The following KATNIP variants were observed in gnomAD, a reference collection of about 807,000 sequenced individuals.
The protein encoded by KATNIP is katanin interacting protein.
Under a neutral mutation model 174.0 loss-of-function variants are expected in KATNIP, and 126 were observed. That is an observed-to-expected ratio of 0.72 (90% CI 0.63 to 0.84). KATNIP has a LOEUF of 0.84. Among genes scored for constraint, KATNIP ranks in the 40% least tolerant of loss-of-function variants. KATNIP has a pLI of 0.00. For synonymous variants in KATNIP, 810 were observed against 835.7 expected (o/e 0.97, Z 0.53); for missense variants, 1,958 against 2,109.7 (o/e 0.93, Z 1.41).
chr16:27,556,178 A>C (rs1364934900), intron 1 of KATNIP, among the ~76,000 whole-genome samples: 1 of 152,176 alleles, frequency 6.6e-6, no homozygotes, highest in Non-Finnish European at 1.5e-5. Flanking sequence ...ATTATCTGCA[A>C]ATAGGCAGAC....
At chr16:27,775,560 C>T (rs982511753) in intron 24 of KATNIP, among the ~76,000 whole-genome samples, 1 of 152,254 alleles carries the variant, frequency 6.6e-6, no homozygotes, top group Non-Finnish European at 1.5e-5. Flanking sequence ...TCAGCTCTTC[C>T]GACCAACTGA....
chr16:27,586,486 C>G (rs773960457), intron 2 of KATNIP, among the ~76,000 whole-genome samples: 3 of 151,298 alleles, frequency 2.0e-5, no homozygotes, highest in Non-Finnish European at 2.9e-5. Flanking sequence ...AAAAAAGAAG[C>G]AAGTGAACTG....
intron 1 of KATNIP, among the ~76,000 whole-genome samples, chr16:27,552,170 T>C (rs2141504405): frequency 6.6e-6 from 1 of 152,314 alleles, no homozygotes; most frequent in East Asian, 1.9e-4. Flanking sequence ...GTTTATTCAA[T>C]AGAAATAGAA....
chr16:27,621,961 A>T (rs949676268), intron 3 of KATNIP, among the ~76,000 whole-genome samples: 3 of 152,046 alleles, frequency 2.0e-5, no homozygotes, highest in Non-Finnish European at 4.4e-5. Context: ...TGAGATTTAG[A>T]GGGGTCATAC....
chr16:27,709,710 TG>T (rs2079487064), intron 13 of KATNIP, among the ~76,000 whole-genome samples: 1 of 151,656 alleles, frequency 6.6e-6, no homozygotes, highest in Non-Finnish European at 1.5e-5. Context: ...CCTGAGGGAG[TG>T]GTGCTGGCAG....
chr16:27,659,762 TA>T (rs1482017041), intron 6 of KATNIP, among the ~76,000 whole-genome samples: 1 of 152,108 alleles, frequency 6.6e-6, no homozygotes, highest in African/African-American at 2.4e-5. Flanking sequence ...AGGATAGAAA[TA>T]CACTGAGGAA....
chr16:27,551,437 T>C (rs1275563637), intron 1 of KATNIP, among the ~76,000 whole-genome samples: 2 of 152,216 alleles, frequency 1.3e-5, no homozygotes, highest in African/African-American at 2.4e-5. Context: ...AATGTAATGT[T>C]GCTATAGAAC....
intron 6 of KATNIP, among the ~76,000 whole-genome samples, chr16:27,658,496 T>A (rs949032306): frequency 2.0e-5 from 3 of 152,178 alleles, no homozygotes; most frequent in African/African-American, 2.4e-5. Context: ...AGGGATATTT[T>A]AAAAAATCAA....
At chr16:27,661,931 T>TACACATAC (rs1445752757) in intron 6 of KATNIP, among the ~76,000 whole-genome samples, 1 of 58,772 alleles carries the variant, frequency 1.7e-5, no homozygotes, top group Non-Finnish European at 3.1e-5. Context: ...TATATATATA[T>TACACATAC]ATATATATAT....
At chr16:27,668,990 A>G (rs1242953029) in intron 6 of KATNIP, among the ~76,000 whole-genome samples, 1 of 152,152 alleles carries the variant, frequency 6.6e-6, no homozygotes, top group Non-Finnish European at 1.5e-5. Flanking sequence ...TGGGTGACAG[A>G]GCAAGACCCT....
At chr16:27,698,096 G>A (rs994560095) in intron 8 of KATNIP, among the ~76,000 whole-genome samples, 1 of 152,130 alleles carries the variant, frequency 6.6e-6, no homozygotes, top group African/African-American at 2.4e-5. Flanking sequence ...GTTCTTTACA[G>A]CACTGCTCCC....
intron 1 of KATNIP, among the ~76,000 whole-genome samples, chr16:27,570,710 C>A (rs771077622): frequency 2.0e-5 from 3 of 152,184 alleles, no homozygotes; most frequent in Non-Finnish European, 4.4e-5. Flanking sequence ...GGCGTCATCT[C>A]TACAATGGCC....
chr16:27,623,954 C>T (rs1332422200), intron 3 of KATNIP, among the ~76,000 whole-genome samples: 2 of 151,990 alleles, frequency 1.3e-5, no homozygotes, highest in African/African-American at 2.4e-5. Context: ...TGACCTTGAG[C>T]AAGTCCCTAA....
intron 6 of KATNIP, among the ~76,000 whole-genome samples, chr16:27,649,208 C>G (rs2077051230): frequency 1.3e-5 from 2 of 152,250 alleles, no homozygotes; most frequent in Admixed American, 1.3e-4. Context: ...TCGAATACCA[C>G]CCGCAGGGCG....
At chr16:27,771,438 C>A in intron 21 of KATNIP, 150 bp from the exon 22 acceptor site, 1 of 656,342 alleles carries the variant, frequency 1.5e-6, no homozygotes, top group Non-Finnish European at 2.5e-6. Context: ...GAACTCCACA[C>A]GAGCAGGGGC....
chr16:27,634,880 G>A (rs1227632285), intron 5 of KATNIP, among the ~76,000 whole-genome samples: 8 of 152,324 alleles, frequency 5.3e-5, no homozygotes, highest in Middle Eastern at 3.4e-3. Flanking sequence ...TTGTAGGGCC[G>A]CCAAACGAGG....
chr16:27,621,440 C>T (rs1191177918), intron 3 of KATNIP, among the ~76,000 whole-genome samples: 1 of 152,088 alleles, frequency 6.6e-6, no homozygotes, highest in East Asian at 1.9e-4. Context: ...CTTGCAGTGG[C>T]CAAGACAGCC....
chr16:27,766,421 G>C lies in KATNIP; in HGVS notation c.3922G>C (p.Ala1308Pro). 6.2e-7 allele frequency: 1 copy of C among 1,614,046 alleles called. No individual in the cohort carries two copies. Among genetic ancestry groups the C allele is most frequent in the Non-Finnish European group, 8.5e-7 (1 of 1,180,034 alleles). The part of the protein sequence containing the change: ...TIRLDRAESI[A>P]GLRFWNYNKS... ...CCGCCTGGACAGGGCCGAAAGCATCGCAGGCCTGCGCTTCTGGAACTACAA... is the reference window on the plus strand; with the variant it reads ...CCGCCTGGACAGGGCCGAAAGCATCCCAGGCCTGCGCTTCTGGAACTACAA... Residue 1308 changes from alanine to proline, a missense_variant, in exon 20 of 28, where the codon GCA (alanine) becomes CCA (proline). Physicochemically the swap from Ala to Pro is conservative, Grantham distance 27. Coordinates refer to ENST00000261588, the MANE Select transcript of KATNIP (RefSeq NM_015202.5).
intron 14 of KATNIP, among the ~76,000 whole-genome samples, chr16:27,736,482 G>C (rs2080899926): frequency 6.6e-6 from 1 of 152,238 alleles, no homozygotes; most frequent in Non-Finnish European, 1.5e-5. Context: ...GGACCGATGA[G>C]GTGGGGCTGC....
Sources: allele counts gnomAD v4.1 joint callset (sites outside exome capture counted in the v4.1 genomes callset), GRCh38; gene constraint gnomAD v4.1.1; transcripts MANE v1.5; gene names NCBI Gene and HGNC (gene_info 2026-07-23, HGNC 2026-07-21).